The following DIS3 variants were observed in gnomAD, a reference collection of about 807,000 sequenced individuals.
DIS3 encodes DIS3 exosome endoribonuclease and 3'-5' exoribonuclease.
In DIS3, 103 loss-of-function variants were observed where a neutral mutation model predicts 113.0. That is an observed-to-expected ratio of 0.91 (90% CI 0.78 to 1.07). The LOEUF is 1.07. Among genes scored for constraint, DIS3 ranks in the 50% least tolerant of loss-of-function variants. DIS3 has a pLI of 0.00. For missense variants in DIS3, 1,121 were observed against 1,167.1 expected, an observed-to-expected ratio of 0.96 and a Z score of 0.58; for synonymous variants, 402 against 394.3, an observed-to-expected ratio of 1.02 and a Z score of -0.23.
At chr13:72,781,457 G>A in intron 1 of DIS3, 148 bp downstream of exon 1, 6 of 1,463,314 alleles carry the variant, frequency 4.1e-6, no homozygotes, top group Non-Finnish European at 5.5e-6. Context: ...CCTCGGCCTG[G>A]GGAACAGGAA....
At position 72,759,680 on chromosome 13, in the gene DIS3, A is replaced by T; in HGVS notation, c.*115T>A. The stretch of plus-strand genomic sequence containing the variant: ...AATAAAAATGCAGATGTCTGAAATT[A>T]TTAAAATGTACTTAAAAGTAACAAA... On this transcript the variant is annotated 3_prime_UTR_variant, in exon 21 of 21. Transcript: ENST00000377767. The T allele has an allele frequency of 1.3e-6, 1 of 754,708 alleles. No homozygotes were observed. Among genetic ancestry groups the T allele is most frequent in the South Asian group, 1.9e-5 (1 of 52,836 alleles). The allele number at this position is 754,708 out of a possible 1,614,324, so 46.8% of individuals were successfully genotyped here.
At chr13:72,763,391 T>G in intron 16 of DIS3, 60 bp downstream of exon 16, 1 of 1,501,070 alleles carries the variant, frequency 6.7e-7, no homozygotes, top group Non-Finnish European at 9.0e-7. Context: ...ATATAAATTA[T>G]TTAGAACAAC....
chr13:72,758,294 C>G lies in DIS3; in HGVS notation c.*1501G>C, dbSNP rs546619746. ...ACCATCTAGGTTTGTGTAACTACAT[C>G]ATGATTTTCACACAATGATGAAATT... On this transcript the variant is annotated 3_prime_UTR_variant, in exon 21 of 21. Transcript: ENST00000377767. 1 of 181,888 alleles carries G rather than the reference C, an allele frequency of 5.5e-6. No individual in the cohort carries two copies. Among genetic ancestry groups the G allele is most frequent in the Non-Finnish European group, 1.2e-5 (1 of 85,200 alleles). 11.3% of individuals were successfully genotyped at this position (181,888 alleles called of 1,614,324 possible).
intron 14 of DIS3, among the ~76,000 whole-genome samples, chr13:72,766,647 A>C (rs1044801791): frequency 2.6e-5 from 4 of 152,176 alleles, no homozygotes; most frequent in Non-Finnish European, 5.9e-5. Flanking sequence ...CATGCTCAGG[A>C]CTTTACACAC....
Position 72,759,935 on chromosome 13 carries a change from A to C in DIS3, c.2794-57T>G, listed in dbSNP as rs113694065. ...GATTTAAAGGATAGAATACATCTCA[A>C]CCTCATCCTCCCCTTCCCCACTGCC... On this transcript the variant is annotated intron_variant, in intron 20 of 20. Coordinates refer to ENST00000377767, the MANE Select transcript of DIS3 (RefSeq NM_014953.5). 3.5e-5 allele frequency: 48 copies of C among 1,368,208 alleles called. 1 individual carries two copies. In the African/African-American group the frequency reaches 3.7e-4, roughly 11 times the overall value. The allele number at this position is 1,368,208 out of a possible 1,614,324, so 84.8% of individuals were successfully genotyped here.
chr13:72,763,744 C>A, intron 15 of DIS3, 137 bp from the exon 16 acceptor site: 2 of 824,028 alleles, frequency 2.4e-6, no homozygotes, highest in Non-Finnish European at 3.6e-6. Flanking sequence ...TGTGTGTGTA[C>A]ATTTGTATTT....
chr13:72,765,812 G>C (rs2033731207), intron 15 of DIS3, among the ~76,000 whole-genome samples, 160 bp downstream of exon 15: 1 of 152,158 alleles, frequency 6.6e-6, no homozygotes, highest in South Asian at 2.1e-4. Context: ...GAAAAACTGA[G>C]CTTAAATTTA....
At position 72,753,928 on chromosome 13, in the gene DIS3, C is replaced by T. The variant is rs576708903; in HGVS notation, c.*5867G>A. The T allele has an allele frequency of 2.6e-6, 3 of 1,145,850 alleles. No individual in the cohort carries two copies. Among genetic ancestry groups the T allele is most frequent in the East Asian group, 2.6e-5 (1 of 38,074 alleles). The allele number at this position is 1,145,850 out of a possible 1,614,324, so 71.0% of individuals were successfully genotyped here. ...TTGAGAAACTATATGAAATTTAAAA[C>T]ACTAAAAGGTAAGCCTGTTTTCTTA... On this transcript the variant is annotated 3_prime_UTR_variant, in exon 21 of 21. Coordinates refer to ENST00000377767, the MANE Select transcript of DIS3 (RefSeq NM_014953.5).
chr13:72,774,832 TA>T (rs2033970053), intron 6 of DIS3, among the ~76,000 whole-genome samples: 1 of 152,176 alleles, frequency 6.6e-6, no homozygotes, highest in Admixed American at 6.5e-5. Flanking sequence ...TCTATTATGT[TA>T]AGGGAATTTT....
chr13:72,768,722 C>T (rs1340032998), intron 14 of DIS3, 63 bp downstream of exon 14: 3 of 1,252,618 alleles, frequency 2.4e-6, no homozygotes, highest in Non-Finnish European at 3.3e-6. Flanking sequence ...TTCATCATTG[C>T]CTATGATCAA....
rs1219674116 is a variant in DIS3 at position 72,752,555 on chromosome 13, T to G, written c.*7240A>C. 6.6e-6 allele frequency: 1 copy of G among 152,198 alleles called. No homozygotes were observed. The highest frequency in any genetic ancestry group is 1.5e-5 in the Non-Finnish European group (1 of 68,042). 9.4% of individuals were successfully genotyped at this position (152,198 alleles called of 1,614,324 possible). A position where few individuals can be genotyped will look rare whatever the true frequency, so the allele number is the denominator to read the frequency against. ...GCATTATAAGCCAGCTATTTGGCAG[T>G]GATGAATATTAGAAGGAAGAGCTAT... On this transcript the variant is annotated 3_prime_UTR_variant, in exon 21 of 21. Coordinates refer to ENST00000377767, the MANE Select transcript of DIS3 (RefSeq NM_014953.5).
chr13:72,756,103 G>C lies in DIS3; in HGVS notation c.*3692C>G. The C allele has an allele frequency of 2.5e-6, 1 of 396,242 alleles. No individual in the cohort carries two copies. The highest frequency in any genetic ancestry group is 3.6e-5 in the East Asian group (1 of 27,974). The allele number at this position is 396,242 out of a possible 1,614,324, so 24.5% of individuals were successfully genotyped here. ...GGAGTAGATGGGTATATAACAGTTT[G>C]GAAATACTATCTTTGGAGAATGTAT... On this transcript the variant is annotated 3_prime_UTR_variant, in exon 21 of 21. Coordinates refer to ENST00000377767, the MANE Select transcript of DIS3 (RefSeq NM_014953.5).
chr13:72,761,405 T>C lies in DIS3; in HGVS notation c.2628A>G (p.Glu876=). 1.2e-6 allele frequency: 2 copies of C among 1,608,998 alleles called. No individual in the cohort carries two copies. The highest frequency in any genetic ancestry group is 1.7e-6 in the Non-Finnish European group (2 of 1,178,870). The part of the protein sequence containing the change: ...KYGLEGTVFF[E]EKDKPNPQLI... ...GCTGTGGGTTTGGTTTGTCCTTTTC[T>C]TCAAAAAAGACTGTCCCTTCTAAAC... Residue 876 remains glutamate (E), a synonymous_variant, in exon 19 of 21, where the codon GAA becomes GAG. Coordinates refer to ENST00000377767, the MANE Select transcript of DIS3 (RefSeq NM_014953.5).
chr13:72,763,705 TA>T (rs2033684075), intron 15 of DIS3, 98 bp from the exon 16 acceptor site: 1 of 1,204,194 alleles, frequency 8.3e-7, no homozygotes, highest in Non-Finnish European at 1.1e-6. Context: ...AAGAAGATAA[TA>T]AGAGCATTTC....
intron 2 of DIS3, among the ~76,000 whole-genome samples, chr13:72,780,321 A>G (rs2034136854): frequency 1.0e-5 from 1 of 96,658 alleles, no homozygotes; most frequent in Admixed American, 1.1e-4. Flanking sequence ...GTGAGACTCC[A>G]TCTCAAAAAA....
Position 72,761,456 on chromosome 13 carries a change from G to A in DIS3, c.2577C>T (p.Ala859=). The A allele has an allele frequency of 6.2e-7, 1 of 1,610,658 alleles. No homozygotes were observed. The highest frequency in any genetic ancestry group is 2.2e-5 in the East Asian group (1 of 44,740). Residue 859 remains alanine, a synonymous_variant, in exon 19 of 21, where the codon GCC becomes GCT. Coordinates refer to ENST00000377767, the MANE Select transcript of DIS3 (RefSeq NM_014953.5). ...EAYILFVRKN[A]IVVLIPKYGL... is the part of the protein sequence containing the mutation. ...CATACTTTGGAATTAATACCACAAT[G>A]GCATTCTTTCTTACAAATAAAATAT...
Position 72,763,626 on chromosome 13 carries a change from T to A in DIS3, c.1971-19A>T, listed in dbSNP as rs1220105705. 11 of 1,598,080 alleles carry A rather than the reference T, an allele frequency of 6.9e-6. No homozygotes were observed. The Admixed American group carries it at 1.1e-4, about 15-fold the overall frequency. ...TGTTTCCCTGCCAATGGAAAAAGCATTAAACAAACAAAAAAGAGAATCTGA... is the reference window on the plus strand; with the variant it reads ...TGTTTCCCTGCCAATGGAAAAAGCAATAAACAAACAAAAAAGAGAATCTGA... On this transcript the variant is annotated intron_variant, in intron 15 of 20. Coordinates refer to ENST00000377767, the MANE Select transcript of DIS3 (RefSeq NM_014953.5).
intron 15 of DIS3, among the ~76,000 whole-genome samples, chr13:72,764,896 T>C (rs575449957): frequency 6.6e-6 from 1 of 152,276 alleles, no homozygotes; most frequent in East Asian, 1.9e-4. Flanking sequence ...AAGCTCTTAG[T>C]ACTGGGCTCA....
At position 72,753,622 on chromosome 13, in the gene DIS3, G is replaced by A. The variant is rs984199288; in HGVS notation, c.*6173C>T. 2.7e-6 allele frequency: 4 copies of A among 1,484,922 alleles called. No individual in the cohort carries two copies. In the African/African-American group the frequency reaches 4.2e-5, roughly 16 times the overall value. 92.0% of individuals were successfully genotyped at this position (1,484,922 alleles called of 1,614,324 possible). On this transcript the variant is annotated 3_prime_UTR_variant, in exon 21 of 21. Coordinates refer to ENST00000377767, the MANE Select transcript of DIS3 (RefSeq NM_014953.5). ...ATGTAGTGAATGAGAGTTTATAGTG[G>A]TTTACTTATTTAAATATTTGACTTT...
Sources: gnomAD v4.1 joint callset for allele counts (sites outside exome capture counted in the v4.1 genomes callset) on GRCh38, gnomAD v4.1.1 for gene constraint, MANE v1.5 for transcripts, NCBI Gene and HGNC (gene_info 2026-07-23, HGNC 2026-07-21) for gene names.